LDLRAD4: variants seen among roughly 807,000 people sequenced by gnomAD.
LDLRAD4 encodes low-density lipoprotein receptor class A domain-containing protein 4.
A neutral mutation model predicts 17.0 loss-of-function variants in LDLRAD4; 5 were observed. That is an observed-to-expected ratio of 0.29 (90% CI 0.15 to 0.62). The LOEUF (loss-of-function observed/expected upper bound fraction) is 0.62. LDLRAD4 is among the 20% of genes least tolerant of loss of function. The pLI is 0.84. For synonymous variants in LDLRAD4, 168 were observed against 171.8 expected (o/e 0.98, Z 0.17); for missense variants, 340 against 424.7 (o/e 0.80, Z 1.75).
chr18:13,361,202 C>T (rs946154874), intron 1 of LDLRAD4, among the ~76,000 whole-genome samples: 5 of 152,076 alleles, frequency 3.3e-5, no homozygotes, highest in African/African-American at 1.2e-4. Context: ...CTCAGCCTCC[C>T]GAGTAGCTGG....
chr18:13,271,252 G>C (rs2044520199), intron 1 of LDLRAD4, among the ~76,000 whole-genome samples: 1 of 152,200 alleles, frequency 6.6e-6, no homozygotes, highest in African/African-American at 2.4e-5. Flanking sequence ...ATGAGGGTTA[G>C]CTAAGACTCA....
At chr18:13,281,026 A>G (rs2045241941) in intron 1 of LDLRAD4, among the ~76,000 whole-genome samples, 2 of 152,218 alleles carry the variant, frequency 1.3e-5, no homozygotes, top group South Asian at 4.1e-4. Context: ...ACACTGGTAA[A>G]TAGAGTCCTG....
chr18:13,497,295 G>T (rs2093489824), intron 3 of LDLRAD4, among the ~76,000 whole-genome samples: 1 of 152,142 alleles, frequency 6.6e-6, no homozygotes, highest in African/African-American at 2.4e-5. Flanking sequence ...TCCTGCCTCA[G>T]CCTCCGGAAT....
At chr18:13,469,517 T>C (rs776599700) in intron 3 of LDLRAD4, among the ~76,000 whole-genome samples, 4 of 152,204 alleles carry the variant, frequency 2.6e-5, no homozygotes, top group Non-Finnish European at 5.9e-5. Flanking sequence ...ATAAAAAATG[T>C]GGTATATACA....
chr18:13,612,543 ACAC>A lies in LDLRAD4; in HGVS notation c.182-8572_182-8570del, dbSNP rs1342779570. 3.7e-5 allele frequency: 51 copies of A among 1,375,352 alleles called. No individual in the cohort carries two copies. In the African/African-American group the frequency reaches 6.0e-4, roughly 16 times the overall value. 85.2% of individuals were successfully genotyped at this position (1,375,352 alleles called of 1,614,324 possible). A position where few individuals can be genotyped will look rare whatever the true frequency, so the allele number is the denominator to read the frequency against. On this transcript the variant is annotated intron_variant, in intron 3 of 5. Transcript: ENST00000359446. ...GAGAGTGAACGAGGCAGACAGAAAC[ACAC>A]CCCCCCCCCCTCCACGCTCACACAC...
At chr18:13,637,043 T>G (rs1161426059) in intron 4 of LDLRAD4, among the ~76,000 whole-genome samples, 1 of 152,054 alleles carries the variant, frequency 6.6e-6, no homozygotes, top group East Asian at 1.9e-4. Context: ...GGTGATCCAC[T>G]CACCTTGGCC....
intron 3 of LDLRAD4, among the ~76,000 whole-genome samples, chr18:13,619,214 G>GTGT (rs2040360752): frequency 1.3e-5 from 2 of 152,174 alleles, no homozygotes. Flanking sequence ...GACGTCACAT[G>GTGT]GTGTGTGGGG....
chr18:13,628,858 T>G (rs2148874913), intron 4 of LDLRAD4, among the ~76,000 whole-genome samples: 1 of 152,346 alleles, frequency 6.6e-6, no homozygotes, highest in African/African-American at 2.4e-5. Context: ...AGTGACAAGA[T>G]CTCACTTTGT....
chr18:13,326,097 G>A (rs2081520450), intron 1 of LDLRAD4, among the ~76,000 whole-genome samples: 1 of 152,082 alleles, frequency 6.6e-6, no homozygotes, highest in African/African-American at 2.4e-5. Flanking sequence ...GTGACATGTG[G>A]CTGATAGCTG....
intron 1 of LDLRAD4, among the ~76,000 whole-genome samples, chr18:13,268,507 C>T (rs1021987944): frequency 6.6e-6 from 1 of 152,244 alleles, no homozygotes; most frequent in Non-Finnish European, 1.5e-5. Context: ...GCAGGCTGCC[C>T]TTTAGCTGTT....
chr18:13,478,880 C>T (rs1469171809), intron 3 of LDLRAD4, among the ~76,000 whole-genome samples: 2 of 152,176 alleles, frequency 1.3e-5, no homozygotes, highest in African/African-American at 2.4e-5. Flanking sequence ...AAAGACTTAC[C>T]ATAAAGCTAC....
chr18:13,402,938 A>G (rs1436952901), intron 2 of LDLRAD4, among the ~76,000 whole-genome samples: 1 of 152,268 alleles, frequency 6.6e-6, no homozygotes, highest in Non-Finnish European at 1.5e-5. Context: ...AGAAACAACA[A>G]TATTAAAACA....
chr18:13,283,657 GTCT>G (rs1298598502), intron 1 of LDLRAD4, among the ~76,000 whole-genome samples: 24 of 152,290 alleles, frequency 1.6e-4, no homozygotes, highest in Non-Finnish European at 2.9e-4. Context: ...ACATTTTCCT[GTCT>G]TCTTCTGAGC....
intron 2 of LDLRAD4, among the ~76,000 whole-genome samples, chr18:13,432,470 T>C (rs2146060265): frequency 6.6e-6 from 1 of 152,218 alleles, no homozygotes; most frequent in Admixed American, 6.5e-5. Flanking sequence ...ATAAAAAGAG[T>C]GACAGATCCT....
intron 3 of LDLRAD4, among the ~76,000 whole-genome samples, chr18:13,609,149 C>T (rs1380471541): frequency 6.6e-6 from 1 of 152,188 alleles, no homozygotes; most frequent in East Asian, 1.9e-4. Context: ...TTGTGTGTTC[C>T]ACAGACTTCC....
At chr18:13,368,413 G>T (rs1390642838) in intron 1 of LDLRAD4, among the ~76,000 whole-genome samples, 2 of 152,152 alleles carry the variant, frequency 1.3e-5, no homozygotes, top group Non-Finnish European at 2.9e-5. Flanking sequence ...CCTGTCTCAG[G>T]GATGCCTGCT....
chr18:13,486,509 C>T (rs1318305984), intron 3 of LDLRAD4: 1 of 152,306 alleles, frequency 6.6e-6, no homozygotes, highest in Non-Finnish European at 1.5e-5. Flanking sequence ...CCTGCTCCAC[C>T]AGGGAGAACG....
chr18:13,531,444 T>TA (rs34206198), intron 3 of LDLRAD4, among the ~76,000 whole-genome samples: 5,870 of 137,998 alleles, frequency 0.043, 418 homozygotes, highest in African/African-American at 0.15. Flanking sequence ...ACCCCATATC[T>TA]AAAAAAAAAA....
intron 4 of LDLRAD4, among the ~76,000 whole-genome samples, chr18:13,630,215 G>A (rs1339743840): frequency 6.6e-6 from 1 of 152,136 alleles, no homozygotes; most frequent in Non-Finnish European, 1.5e-5. Flanking sequence ...TTCTCTTAAG[G>A]GACGTGCCCT....
Sources: gnomAD v4.1 joint callset for allele counts (sites outside exome capture counted in the v4.1 genomes callset) on GRCh38, gnomAD v4.1.1 for gene constraint, MANE v1.5 for transcripts, NCBI Gene and HGNC (gene_info 2026-07-23, HGNC 2026-07-21) for gene names.